The following MID1 variants were observed in gnomAD, a reference collection of about 807,000 sequenced individuals.
The protein encoded by MID1 is midline 1.
MID1 carries 7 observed loss-of-function variants against 40.4 expected under a neutral mutation model. That is an observed-to-expected ratio of 0.17 (90% CI 0.10 to 0.33). The LOEUF (loss-of-function observed/expected upper bound fraction) is 0.33. Among genes scored for constraint, MID1 ranks in the 10% least tolerant of loss-of-function variants. MID1 has a pLI of 1.00. For synonymous variants in MID1, 229 were observed against 221.2 expected, an observed-to-expected ratio of 1.04 and a Z score of -0.31; for missense variants, 367 against 558.5, an observed-to-expected ratio of 0.66 and a Z score of 3.46.
At chrX:10,549,234 G>C (rs2147427322) in intron 2 of MID1, among the ~76,000 whole-genome samples, 1 of 112,813 alleles carries the variant, frequency 8.9e-6, no homozygotes, top group South Asian at 3.6e-4. Flanking sequence ...TAAGATATTT[G>C]CCTTAACTTA....
At chrX:10,696,028 G>A (rs111947377) in intron 1 of MID1, among the ~76,000 whole-genome samples, 5 of 110,981 alleles carry the variant, frequency 4.5e-5, no homozygotes, top group African/African-American at 1.3e-4. Context: ...GTTGTTAACT[G>A]TCTCTCTAAA....
intron 1 of MID1, among the ~76,000 whole-genome samples, chrX:10,674,374 G>C (rs1312031732): frequency 8.9e-6 from 1 of 112,554 alleles, no homozygotes; most frequent in Non-Finnish European, 1.9e-5. Flanking sequence ...TGTTAGAACA[G>C]CACGAGTTGG....
At chrX:10,533,476 A>AAG (rs1432383626) in intron 2 of MID1, among the ~76,000 whole-genome samples, 1 of 109,306 alleles carries the variant, frequency 9.1e-6, no homozygotes, top group Non-Finnish European at 1.9e-5. Flanking sequence ...GGATGGTAAA[A>AAG]AAAAAAAAAC....
chrX:10,480,204 G>C (rs751719532), intron 5 of MID1, among the ~76,000 whole-genome samples: 1 of 112,438 alleles, frequency 8.9e-6, no homozygotes, highest in Non-Finnish European at 1.9e-5. Context: ...TTTGTAGAAA[G>C]AGAAATCAAA....
At chrX:10,691,316 T>C (rs2043130384) in intron 1 of MID1, among the ~76,000 whole-genome samples, 1 of 111,725 alleles carries the variant, frequency 9.0e-6, no homozygotes, top group African/African-American at 3.3e-5. Context: ...GGCGGGCAGA[T>C]CACCTGAGGT....
intron 1 of MID1, among the ~76,000 whole-genome samples, chrX:10,589,334 C>G (rs746547115): frequency 9.1e-6 from 1 of 109,538 alleles, no homozygotes; most frequent in African/African-American, 3.3e-5. Context: ...GGCAAGTTCC[C>G]AAGACCAGTC....
chrX:10,590,791 G>A (rs1279847928), intron 1 of MID1, among the ~76,000 whole-genome samples: 1 of 111,865 alleles, frequency 8.9e-6, no homozygotes, highest in East Asian at 2.8e-4. Context: ...CGAATACAAG[G>A]CATGAGTTTG....
intron 1 of MID1, among the ~76,000 whole-genome samples, chrX:10,614,543 C>G (rs959456390): frequency 4.5e-5 from 5 of 112,187 alleles, no homozygotes; most frequent in African/African-American, 1.6e-4. Flanking sequence ...GGATAAGAGT[C>G]ATGAGCTTTG....
intron 1 of MID1, among the ~76,000 whole-genome samples, chrX:10,786,636 C>A (rs192070100): frequency 1.1e-3 from 116 of 110,264 alleles, no homozygotes; most frequent in African/African-American, 3.6e-3. Context: ...TACTATGCAG[C>A]CATAAAAAGG....
intron 1 of MID1, among the ~76,000 whole-genome samples, chrX:10,814,445 T>C (rs904347200): frequency 9.0e-6 from 1 of 111,372 alleles, no homozygotes; most frequent in African/African-American, 3.3e-5. Flanking sequence ...GAAATAATTG[T>C]AGATTCATAC....
chrX:10,618,450 G>A (rs758882179), intron 1 of MID1, among the ~76,000 whole-genome samples: 2 of 111,487 alleles, frequency 1.8e-5, no homozygotes, highest in Non-Finnish European at 3.8e-5. Context: ...AACTGTCCTC[G>A]TTCTTTGGAT....
At chrX:10,593,925 T>G (rs182790605) in intron 1 of MID1, among the ~76,000 whole-genome samples, 7 of 111,065 alleles carry the variant, frequency 6.3e-5, no homozygotes, top group Non-Finnish European at 1.3e-4. Flanking sequence ...GAGCACACAG[T>G]AGGGTTTTCA....
intron 1 of MID1, among the ~76,000 whole-genome samples, chrX:10,832,635 A>C (rs1371265299): frequency 8.9e-6 from 1 of 112,228 alleles, no homozygotes; most frequent in African/African-American, 3.2e-5. Flanking sequence ...ATGAAAAAAT[A>C]AAAATAAATT....
intron 1 of MID1, among the ~76,000 whole-genome samples, chrX:10,807,687 T>C (rs913546991): frequency 8.9e-6 from 1 of 112,546 alleles, no homozygotes; most frequent in African/African-American, 3.2e-5. Flanking sequence ...TCTCTATGAC[T>C]TCCCCTTCTG....
Position 10,447,169 on chromosome X carries a change from A to G in MID1, c.*2199T>C, listed in dbSNP as rs1928078802. Reference sequence around the variant, plus strand: ...AGCCAAGAGTGAGACTTCCACAACAAAATTATGACATAATCTCTCATGTCC... The same window carrying G: ...AGCCAAGAGTGAGACTTCCACAACAGAATTATGACATAATCTCTCATGTCC... On this transcript the variant is annotated 3_prime_UTR_variant, in exon 10 of 10. Transcript: ENST00000317552. 1 of 111,891 alleles carries G rather than the reference A, an allele frequency of 8.9e-6. No homozygotes were observed. Among genetic ancestry groups the G allele is most frequent in the African/African-American group, 3.3e-5 (1 of 30,755 alleles). The allele number at this position is 111,891 out of a possible 1,213,427, so 9.2% of individuals were successfully genotyped here. A position where few individuals can be genotyped will look rare whatever the true frequency, so the allele number is the denominator to read the frequency against.
At position 10,459,659 on chromosome X, in the gene MID1, C is replaced by T. The variant is rs775778685; in HGVS notation, c.1434G>A (p.Lys478=). Residue 478 remains lysine, a synonymous_variant, in exon 8 of 10, where the codon AAG becomes AAA. Coordinates refer to ENST00000317552, the MANE Select transcript of MID1 (RefSeq NM_000381.4). Reference sequence around the variant, plus strand: ...CACAGCACTTACTGTTTGTCTTCAACTTCCCAGGCTCACTGCTGCGGCTGC... The same window carrying T: ...CACAGCACTTACTGTTTGTCTTCAATTTCCCAGGCTCACTGCTGCGGCTGC... ...QAGSRSSEPG[K]LKTNSQPFKL... The T allele has an allele frequency of 2.5e-6, 3 of 1,211,373 alleles. No homozygotes were observed. In the South Asian group the frequency reaches 5.3e-5, roughly 21 times the overall value.
intron 1 of MID1, among the ~76,000 whole-genome samples, chrX:10,591,945 A>G (rs1171187615): frequency 9.0e-6 from 1 of 111,141 alleles, no homozygotes; most frequent in Non-Finnish European, 1.9e-5. Context: ...AGAAAACAAA[A>G]CAAAACACCA....
chrX:10,497,037 C>T (rs931115690), intron 3 of MID1, among the ~76,000 whole-genome samples: 41 of 112,343 alleles, frequency 3.6e-4, no homozygotes, highest in African/African-American at 1.3e-3. Context: ...GGAGGATAAT[C>T]ATTAGGCTTC....
chrX:10,737,716 G>A (rs2043496726), intron 1 of MID1, among the ~76,000 whole-genome samples: 1 of 110,244 alleles, frequency 9.1e-6, no homozygotes, highest in Non-Finnish European at 1.9e-5. Flanking sequence ...TGTCAGAGAG[G>A]AGGGAGGAAA....
Sources: allele counts gnomAD v4.1 joint callset (sites outside exome capture counted in the v4.1 genomes callset), GRCh38; gene constraint gnomAD v4.1.1; transcripts MANE v1.5; gene names NCBI Gene and HGNC (gene_info 2026-07-23, HGNC 2026-07-21).